The following GRIN3A variants were observed in gnomAD, a reference collection of about 807,000 sequenced individuals.
GRIN3A encodes the protein glutamate ionotropic receptor NMDA type subunit 3A.
GRIN3A carries 47 observed loss-of-function variants against 92.4 expected under a neutral mutation model. The observed-to-expected ratio is 0.51, with a 90% CI of 0.40 to 0.65. The LOEUF (loss-of-function observed/expected upper bound fraction) is 0.65. Among genes scored for constraint, GRIN3A ranks in the 30% least tolerant of loss-of-function variants. The pLI is 0.00. For synonymous variants in GRIN3A, 527 were observed against 540.6 expected (o/e 0.97, Z 0.35); for missense variants, 1,324 against 1,393.1 (o/e 0.95, Z 0.79).
chr9:101,656,491 G>T (rs1391010222), intron 3 of GRIN3A, among the ~76,000 whole-genome samples: 1 of 152,020 alleles, frequency 6.6e-6, no homozygotes, highest in African/African-American at 2.4e-5. Context: ...AAAGATAAGA[G>T]TGGGGCCAGC....
chr9:101,641,560 C>T (rs1306047243), intron 3 of GRIN3A, among the ~76,000 whole-genome samples: 5 of 151,164 alleles, frequency 3.3e-5, no homozygotes, highest in African/African-American at 7.3e-5. Context: ...TGTTCTCACT[C>T]ATTGGTGGGA....
chr9:101,669,217 C>G (rs1352917888), intron 3 of GRIN3A, among the ~76,000 whole-genome samples: 1 of 152,116 alleles, frequency 6.6e-6, no homozygotes, highest in Admixed American at 6.5e-5. Flanking sequence ...ACAGTCCCCT[C>G]TCTCTAGTCC....
intron 1 of GRIN3A, among the ~76,000 whole-genome samples, chr9:101,713,182 C>T (rs2119017478): frequency 6.6e-6 from 1 of 152,294 alleles, no homozygotes; most frequent in Admixed American, 6.5e-5. Context: ...TCAATCACTT[C>T]TCCGCCCTGA....
At chr9:101,702,679 A>T (rs914779321) in intron 1 of GRIN3A, among the ~76,000 whole-genome samples, 3 of 152,174 alleles carry the variant, frequency 2.0e-5, no homozygotes, top group Admixed American at 6.5e-5. Context: ...GATCTTATAT[A>T]TTGGACTCCA....
intron 6 of GRIN3A, among the ~76,000 whole-genome samples, chr9:101,579,594 ATAAAAT>A (rs138270577): frequency 0.096 from 14,654 of 152,110 alleles, 1,007 homozygotes; most frequent in East Asian, 0.17. Flanking sequence ...AGAAATAAAA[ATAAAAT>A]TAAAAGCTCT....
chr9:101,722,339 G>T lies in GRIN3A; in HGVS notation c.699+14942C>A, dbSNP rs149112897. 8.8e-4 allele frequency among the ~76,000 whole-genome samples: 134 copies of T among 152,366 alleles called. 2 individuals are homozygous for T. The East Asian group carries it at 0.022, about 25-fold the overall frequency. On this transcript the variant is annotated intron_variant, in intron 1 of 8. Coordinates refer to ENST00000361820, the MANE Select transcript of GRIN3A (RefSeq NM_133445.3). ...TGCCCAGGCAAAAGTTTGTGGCAGG[G>T]TCAGGGCCCTCATGGAGAACCTCTG...
chr9:101,628,221 G>C, intron 4 of GRIN3A, 35 bp downstream of exon 4: 1 of 1,611,486 alleles, frequency 6.2e-7, no homozygotes, highest in East Asian at 2.2e-5. Flanking sequence ...TCTTCAGTGA[G>C]AATTTTTCTT....
chr9:101,573,653 T>A, intron 8 of GRIN3A, 140 bp from the exon 9 acceptor site: 2 of 720,022 alleles, frequency 2.8e-6, no homozygotes, highest in African/African-American at 1.7e-5. Flanking sequence ...ATGGACAGAC[T>A]ACCTGCTAGG....
At position 101,628,417 on chromosome 9, in the gene GRIN3A, A is replaced by T. The variant is rs200004850; in HGVS notation, c.2353-16T>A. 1 of 1,611,194 alleles carries T rather than the reference A, an allele frequency of 6.2e-7. No homozygotes were observed. The highest frequency in any genetic ancestry group is 1.7e-5 in the Admixed American group (1 of 59,872). On this transcript the variant is annotated splice_polypyrimidine_tract_variant and intron_variant, in intron 3 of 8. Transcript: ENST00000361820. ...GATGATGTAACTATGAGGGAGAAAA[A>T]GAAATGGCTTAAATAAAAATTATTC...
Position 101,577,780 on chromosome 9 carries a change from C to A in GRIN3A, c.2996G>T (p.Arg999Leu). ...GGCCCCTTCTTACCTCTTTTCCACA[C>A]GTTTGGTCTTGAAATGCTGCTGCTT... ...EEKQQHFKTKRVEKRSNVGPR... is the reference protein window; with the variant it reads ...EEKQQHFKTKLVEKRSNVGPR... Residue 999 changes from arginine to leucine, a missense_variant, in exon 8 of 9, where the codon CGT becomes CTT. Coordinates refer to ENST00000361820, the MANE Select transcript of GRIN3A (RefSeq NM_133445.3). 3 of 1,612,056 alleles carry A rather than the reference C, an allele frequency of 1.9e-6. No homozygotes were observed. Among genetic ancestry groups the A allele is most frequent in the Non-Finnish European group, 2.5e-6 (3 of 1,178,652 alleles).
intron 5 of GRIN3A, among the ~76,000 whole-genome samples, chr9:101,617,987 T>G (rs1828489081): frequency 6.6e-6 from 1 of 152,034 alleles, no homozygotes; most frequent in South Asian, 2.1e-4. Context: ...TCATCATTTT[T>G]TATGGCTGCA....
At chr9:101,683,309 A>G (rs1464640522) in intron 2 of GRIN3A, among the ~76,000 whole-genome samples, 1 of 152,214 alleles carries the variant, frequency 6.6e-6, no homozygotes, top group African/African-American at 2.4e-5. Context: ...CGTAACTCTG[A>G]CATCCACTAT....
chr9:101,733,510 A>G (rs1588302407), intron 1 of GRIN3A, among the ~76,000 whole-genome samples: 1 of 152,226 alleles, frequency 6.6e-6, no homozygotes, highest in East Asian at 1.9e-4. Context: ...TTCATCATGA[A>G]TTGCAGAATA....
intron 3 of GRIN3A, among the ~76,000 whole-genome samples, chr9:101,648,589 A>G (rs1828970046): frequency 6.6e-6 from 1 of 152,042 alleles, no homozygotes; most frequent in Non-Finnish European, 1.5e-5. Flanking sequence ...TATTACCATT[A>G]ATCTCTCCCT....
chr9:101,620,197 G>T (rs72745355), intron 5 of GRIN3A, among the ~76,000 whole-genome samples: 25,555 of 152,180 alleles, frequency 0.17, 2,401 homozygotes, highest in Non-Finnish European at 0.21. Context: ...CTGGAGGCTG[G>T]GAAGTCCAAG....
intron 1 of GRIN3A, among the ~76,000 whole-genome samples, chr9:101,695,737 T>A (rs903463542): frequency 1.3e-5 from 2 of 152,166 alleles, no homozygotes; most frequent in Non-Finnish European, 2.9e-5. Flanking sequence ...ACGTAATTGA[T>A]CCTTTCCCAA....
At chr9:101,727,898 A>G (rs1015701298) in intron 1 of GRIN3A, among the ~76,000 whole-genome samples, 2 of 149,804 alleles carry the variant, frequency 1.3e-5, no homozygotes, top group Non-Finnish European at 3.0e-5. Context: ...TAGATTTATC[A>G]TTCATGTTCA....
At chr9:101,733,900 T>C (rs893447930) in intron 1 of GRIN3A, among the ~76,000 whole-genome samples, 48 of 152,130 alleles carry the variant, frequency 3.2e-4, no homozygotes, top group African/African-American at 1.1e-3. Flanking sequence ...GGTCTTACTA[T>C]GTCACCCAGG....
In GRIN3A at chr9:101,623,576, T is replaced by C. The variant is rs895751066; in HGVS notation, c.2499-143A>G. On this transcript the variant is annotated intron_variant, in intron 4 of 8. Coordinates refer to ENST00000361820, the MANE Select transcript of GRIN3A (RefSeq NM_133445.3). ...CTACCTAGGTGCTGACTTAGCTGTCTTGGCTTCTCACTGATGTCTAGACTA... is the reference window on the plus strand; with the variant it reads ...CTACCTAGGTGCTGACTTAGCTGTCCTGGCTTCTCACTGATGTCTAGACTA... 6 of 683,754 alleles carry C rather than the reference T, an allele frequency of 8.8e-6. No individual in the cohort carries two copies. In the African/African-American group the frequency reaches 1.1e-4, roughly 12 times the overall value. 42.4% of individuals were successfully genotyped at this position (683,754 alleles called of 1,614,324 possible).
Sources: allele counts gnomAD v4.1 joint callset (sites outside exome capture counted in the v4.1 genomes callset), GRCh38; gene constraint gnomAD v4.1.1; transcripts MANE v1.5; gene names NCBI Gene and HGNC (gene_info 2026-07-23, HGNC 2026-07-21).